The following NEK11 variants were observed in gnomAD, a reference collection of about 807,000 sequenced individuals.
The protein encoded by NEK11 is NIMA related kinase 11.
NEK11 carries 72 observed loss-of-function variants against 80.7 expected under a neutral mutation model. That is an observed-to-expected ratio of 0.89 (90% CI 0.74 to 1.08). The LOEUF (loss-of-function observed/expected upper bound fraction) is 1.08, where lower values mean the gene tolerates loss of function less well. NEK11 is among the 50% of genes least tolerant of loss of function. The pLI is 0.00. For missense variants in NEK11, 764 were observed against 763.6 expected (o/e 1.00, Z -0.01); for synonymous variants, 251 against 260.7 (o/e 0.96, Z 0.36).
At chr3:131,229,646 A>T (rs2095289736) in intron 15 of NEK11, among the ~76,000 whole-genome samples, 1 of 152,106 alleles carries the variant, frequency 6.6e-6, no homozygotes, top group Admixed American at 6.6e-5. Context: ...AATCCATTCA[A>T]CCATTTTAAT....
chr3:131,285,874 C>G (rs2096464278), intron 17 of NEK11, among the ~76,000 whole-genome samples: 1 of 152,210 alleles, frequency 6.6e-6, no homozygotes, highest in South Asian at 2.1e-4. Context: ...AGATAAATCG[C>G]TATAATGAGA....
intron 5 of NEK11, among the ~76,000 whole-genome samples, chr3:131,120,506 C>A (rs544627094): frequency 3.3e-5 from 5 of 151,990 alleles, no homozygotes; most frequent in Admixed American, 3.3e-4. Flanking sequence ...CTGTGTTTCC[C>A]GAATTTGAAT....
chr3:131,312,150 A>T (rs960620574), intron 17 of NEK11, among the ~76,000 whole-genome samples: 1 of 152,174 alleles, frequency 6.6e-6, no homozygotes, highest in Non-Finnish European at 1.5e-5. Context: ...CATTGCCCTG[A>T]GATGTTAGGA....
At chr3:131,210,426 G>A (rs1048760261) in intron 14 of NEK11, among the ~76,000 whole-genome samples, 7 of 152,186 alleles carry the variant, frequency 4.6e-5, no homozygotes, top group African/African-American at 1.7e-4. Flanking sequence ...GTGCAACGTG[G>A]TGCTGAGAAG....
chr3:131,150,013 T>C (rs924504828), intron 7 of NEK11, among the ~76,000 whole-genome samples: 1 of 152,078 alleles, frequency 6.6e-6, no homozygotes, highest in African/African-American at 2.4e-5. Context: ...TGTGTTGATA[T>C]TTGGTATCTT....
At chr3:131,305,600 A>G (rs925202608) in intron 17 of NEK11, among the ~76,000 whole-genome samples, 1 of 152,086 alleles carries the variant, frequency 6.6e-6, no homozygotes, top group Non-Finnish European at 1.5e-5. Flanking sequence ...ATGTTTCTAC[A>G]CCAAACCCTC....
At chr3:131,033,461 A>G (rs987195050) in intron 3 of NEK11, among the ~76,000 whole-genome samples, 5 of 152,174 alleles carry the variant, frequency 3.3e-5, no homozygotes, top group African/African-American at 1.2e-4. Flanking sequence ...TTTTGAGCTC[A>G]TAAGGAAGGT....
chr3:131,045,685 T>C (rs2067271021), intron 3 of NEK11, among the ~76,000 whole-genome samples: 1 of 152,214 alleles, frequency 6.6e-6, no homozygotes. Flanking sequence ...CTGACCTGTC[T>C]ATTGCTGTCA....
At chr3:131,076,688 G>T (rs2074412968) in intron 3 of NEK11, among the ~76,000 whole-genome samples, 2 of 152,178 alleles carry the variant, frequency 1.3e-5, no homozygotes. Flanking sequence ...TCACATCAGG[G>T]TCACAGCTCT....
intron 3 of NEK11, among the ~76,000 whole-genome samples, chr3:131,061,144 C>G (rs546283455): frequency 3.3e-5 from 5 of 152,250 alleles, no homozygotes; most frequent in Admixed American, 2.6e-4. Flanking sequence ...AAACAAGATC[C>G]TGGGGGTCCT....
chr3:131,289,929 G>A (rs1029582661), intron 17 of NEK11, among the ~76,000 whole-genome samples: 9 of 152,164 alleles, frequency 5.9e-5, no homozygotes, highest in Non-Finnish European at 8.8e-5. Context: ...ATCCAAAGAT[G>A]GAGACAGAAC....
At chr3:131,073,914 CT>C (rs1156596533) in intron 3 of NEK11, among the ~76,000 whole-genome samples, 1 of 152,150 alleles carries the variant, frequency 6.6e-6, no homozygotes, top group African/African-American at 2.4e-5. Flanking sequence ...GGAATTAATA[CT>C]TCCAGGGAGC....
intron 4 of NEK11, among the ~76,000 whole-genome samples, chr3:131,094,205 G>A (rs1370750703): frequency 6.6e-6 from 1 of 151,420 alleles, no homozygotes; most frequent in African/African-American, 2.4e-5. Flanking sequence ...CTCTGGTGTT[G>A]CTTCCAAAAG....
At position 131,110,706 on chromosome 3, in the gene NEK11, T is replaced by C. The variant is rs116793791; in HGVS notation, c.455+785T>C. On this transcript the variant is annotated intron_variant, in intron 5 of 17. Coordinates refer to ENST00000383366, the MANE Select transcript of NEK11 (RefSeq NM_024800.5). ...GCGTTAACACATGGTACCATTCTTCTTGAACGAAAGGGGGTAATTTATAAA... is the reference window on the plus strand; with the variant it reads ...GCGTTAACACATGGTACCATTCTTCCTGAACGAAAGGGGGTAATTTATAAA... 5.3e-3 allele frequency among the ~76,000 whole-genome samples: 807 copies of C among 152,256 alleles called. 7 individuals are homozygous for C. The highest frequency in any genetic ancestry group is 0.018 in the African/African-American group (751 of 41,572).
intron 3 of NEK11, among the ~76,000 whole-genome samples, chr3:131,055,640 G>A (rs374713452): frequency 3.9e-5 from 6 of 152,076 alleles, no homozygotes; most frequent in Admixed American, 3.9e-4. Context: ...TGAGGTGAAA[G>A]GATCACTTGA....
intron 15 of NEK11, among the ~76,000 whole-genome samples, chr3:131,241,026 C>G (rs1482967955): frequency 3.3e-5 from 5 of 152,140 alleles, no homozygotes; most frequent in African/African-American, 1.2e-4. Context: ...AGAGATAACA[C>G]ATAAACTTTA....
At chr3:131,068,374 T>C (rs1370308155) in intron 3 of NEK11, among the ~76,000 whole-genome samples, 1 of 152,240 alleles carries the variant, frequency 6.6e-6, no homozygotes, top group East Asian at 1.9e-4. Context: ...GTATGCACAA[T>C]AAAATTCAAG....
chr3:131,090,145 T>C (rs1034521312), intron 4 of NEK11, among the ~76,000 whole-genome samples: 1 of 152,234 alleles, frequency 6.6e-6, no homozygotes, highest in Non-Finnish European at 1.5e-5. Flanking sequence ...CCTTTTAGGA[T>C]TTAAAATTTG....
intron 3 of NEK11, among the ~76,000 whole-genome samples, chr3:131,077,328 A>C (rs2074518749): frequency 6.6e-6 from 1 of 152,180 alleles, no homozygotes; most frequent in Admixed American, 6.5e-5. Flanking sequence ...ATTAAGTGAT[A>C]TGCAATGAGA....
Sources: allele counts gnomAD v4.1 joint callset (sites outside exome capture counted in the v4.1 genomes callset), GRCh38; gene constraint gnomAD v4.1.1; transcripts MANE v1.5; gene names NCBI Gene and HGNC (gene_info 2026-07-23, HGNC 2026-07-21).